Variants in EXOC2 observed in about 807,000 individuals in gnomAD.
EXOC2 encodes SEC5-like 1.
A neutral mutation model predicts 131.8 loss-of-function variants in EXOC2; 70 were observed. The ratio of observed to expected loss-of-function variants is 0.53; its 90% CI spans 0.44 to 0.65. The LOEUF is 0.65. EXOC2 is among the 30% of genes least tolerant of loss of function. The pLI is 0.00. For synonymous variants in EXOC2, 411 were observed against 398.4 expected (o/e 1.03, Z -0.38); for missense variants, 923 against 1,108.6 (o/e 0.83, Z 2.38).
chr6:599,605 C>G (rs915135977), intron 7 of EXOC2, among the ~76,000 whole-genome samples: 1 of 152,144 alleles, frequency 6.6e-6, no homozygotes. Context: ...TACACGTGTA[C>G]ATTAGCTAAA....
intron 17 of EXOC2, among the ~76,000 whole-genome samples, chr6:561,320 G>A (rs1485125277): frequency 6.6e-6 from 1 of 152,144 alleles, no homozygotes; most frequent in East Asian, 1.9e-4. Flanking sequence ...GAACTGGCTG[G>A]ATAGAGAGTC....
At position 682,195 on chromosome 6, in the gene EXOC2, GTTTC is replaced by G. The variant is rs1244910623; in HGVS notation, c.-44+10820_-44+10823del. The stretch of plus-strand genomic sequence containing the variant: ...CGCAGTTCCTATTAAATATTTCCCA[GTTTC>G]TTTTTTTTTTTTTTTTTTGAGACGG... On this transcript the variant is annotated intron_variant, in intron 1 of 27. Coordinates refer to ENST00000230449, the MANE Select transcript of EXOC2 (RefSeq NM_018303.6). Among the ~76,000 whole-genome samples the G allele has an allele frequency of 2.2e-3, 307 of 137,550 alleles. 1 individual carries two copies. Among genetic ancestry groups the G allele is most frequent in the African/African-American group, 8.4e-3 (297 of 35,550 alleles). 90.2% of individuals were successfully genotyped at this position (137,550 alleles called of 152,430 possible). A position where few individuals can be genotyped will look rare whatever the true frequency, so the allele number is the denominator to read the frequency against.
At chr6:692,210 A>G (rs1764961680) in intron 1 of EXOC2, among the ~76,000 whole-genome samples, 1 of 152,278 alleles carries the variant, frequency 6.6e-6, no homozygotes, top group Admixed American at 6.5e-5. Context: ...TCATAAAGGC[A>G]TCAGACTTAA....
intron 23 of EXOC2, among the ~76,000 whole-genome samples, chr6:507,170 CCA>C (rs1295038504): frequency 5.3e-5 from 2 of 37,584 alleles, no homozygotes; most frequent in East Asian, 9.1e-4. Flanking sequence ...ACCCCCCCAC[CCA>C]CACACACAGC....
At chr6:511,640 A>T (rs1303731598) in intron 23 of EXOC2, among the ~76,000 whole-genome samples, 3 of 152,256 alleles carry the variant, frequency 2.0e-5, no homozygotes, top group Non-Finnish European at 4.4e-5. Flanking sequence ...CCCGAGCGGG[A>T]CAAGCCGCTC....
At chr6:518,760 A>G (rs1221064987) in intron 23 of EXOC2, among the ~76,000 whole-genome samples, 1 of 152,240 alleles carries the variant, frequency 6.6e-6, no homozygotes, top group Non-Finnish European at 1.5e-5. Context: ...TTCTTAAAAA[A>G]AGATGACCAA....
At chr6:594,927 C>CTT (rs3839495) in intron 10 of EXOC2, among the ~76,000 whole-genome samples, 106,467 of 151,820 alleles carry the variant, frequency 0.7, 37,796 homozygotes, top group Middle Eastern at 0.85. Flanking sequence ...ATTAAGAACA[C>CTT]TTTAAAAAGG....
chr6:502,253 G>A (rs1416696697), intron 23 of EXOC2, among the ~76,000 whole-genome samples: 1 of 152,166 alleles, frequency 6.6e-6, no homozygotes, highest in South Asian at 2.1e-4. Context: ...AGTGAGAACC[G>A]GGGTCCTGTC....
chr6:603,053 G>A lies in EXOC2; in HGVS notation c.743-3828C>T, dbSNP rs577970919. ...ATATTATGCTTTCTCTTATTTCAAA[G>A]TGACCATTTGGTCCTTTCCTTGGTA... On this transcript the variant is annotated intron_variant, in intron 7 of 27. Coordinates refer to ENST00000230449, the MANE Select transcript of EXOC2 (RefSeq NM_018303.6). Among the ~76,000 whole-genome samples the A allele has an allele frequency of 5.3e-5, 8 of 152,244 alleles. No individual in the cohort carries two copies. The South Asian group carries it at 1.5e-3, about 28-fold the overall frequency.
chr6:626,654 C>T (rs1164007123), intron 4 of EXOC2, among the ~76,000 whole-genome samples: 6 of 152,180 alleles, frequency 3.9e-5, no homozygotes, highest in South Asian at 2.1e-4. Flanking sequence ...TGCAGTGACC[C>T]GACCTCTGCT....
rs749495856 is a variant in EXOC2 at position 598,044 on chromosome 6, T to G, written c.1050A>C (p.Leu350Phe). ...ACCTTATGTAACGTTTTTGGTCATG[T>G]AAAGTTGATGGTGTCTCAAGCAATT... ...LDKLLETPSTLHDQKRYIRYL... is the reference protein window; with the variant it reads ...LDKLLETPSTFHDQKRYIRYL... Residue 350 changes from leucine (L) to phenylalanine (F), a missense_variant, in exon 10 of 28, where the codon TTA becomes TTC. Physicochemically the swap from Leu to Phe is conservative, Grantham distance 22. Coordinates refer to ENST00000230449, the MANE Select transcript of EXOC2 (RefSeq NM_018303.6). The G allele has an allele frequency of 7.7e-5, 124 of 1,613,572 alleles. No individual in the cohort carries two copies. The highest frequency in any genetic ancestry group is 1.0e-4 in the Non-Finnish European group (122 of 1,179,716).
At chr6:618,874 T>C (rs1046862840) in intron 5 of EXOC2, among the ~76,000 whole-genome samples, 14 of 152,256 alleles carry the variant, frequency 9.2e-5, no homozygotes, top group Admixed American at 3.3e-4. Context: ...AATATAATTA[T>C]TTTAAATCAA....
chr6:649,721 G>C (rs1762746756), intron 1 of EXOC2, among the ~76,000 whole-genome samples: 1 of 152,142 alleles, frequency 6.6e-6, no homozygotes, highest in Non-Finnish European at 1.5e-5. Context: ...TTTCTTTTTA[G>C]CAGTAAAATG....
intron 23 of EXOC2, among the ~76,000 whole-genome samples, chr6:510,548 A>T (rs1764783072): frequency 6.6e-6 from 1 of 152,232 alleles, no homozygotes; most frequent in Admixed American, 6.5e-5. Context: ...CTTTATATTC[A>T]TAAGAGTTTA....
At chr6:521,753 C>G (rs2873397) in intron 23 of EXOC2, among the ~76,000 whole-genome samples, 21,264 of 151,984 alleles carry the variant, frequency 0.14, 1,564 homozygotes, top group African/African-American at 0.18. Context: ...GTCTCTAACT[C>G]CTGGGCTCAA....
At chr6:616,429 C>A (rs958139361) in intron 6 of EXOC2, among the ~76,000 whole-genome samples, 9 of 151,570 alleles carry the variant, frequency 5.9e-5, no homozygotes, top group Admixed American at 1.3e-4. Context: ...CGGTGAAACC[C>A]CGTCTCTACT....
intron 11 of EXOC2, among the ~76,000 whole-genome samples, chr6:585,596 A>G (rs780126297): frequency 1.3e-5 from 2 of 152,228 alleles, no homozygotes; most frequent in Non-Finnish European, 2.9e-5. Context: ...ATCTGTCACC[A>G]TCTTTGCTCA....
intron 22 of EXOC2, among the ~76,000 whole-genome samples, chr6:544,725 A>G (rs1456421168): frequency 6.6e-6 from 1 of 152,246 alleles, no homozygotes; most frequent in Non-Finnish European, 1.5e-5. Context: ...CAGTACATGC[A>G]GTTAAAGCAA....
At chr6:555,826 T>A in intron 19 of EXOC2, 128 bp downstream of exon 19, 3 of 937,082 alleles carry the variant, frequency 3.2e-6, no homozygotes, top group Non-Finnish European at 3.2e-6. Context: ...TAAACTATTA[T>A]GTACACAGAC....
Sources: allele counts gnomAD v4.1 joint callset (sites outside exome capture counted in the v4.1 genomes callset), GRCh38; gene constraint gnomAD v4.1.1; transcripts MANE v1.5; gene names NCBI Gene and HGNC (gene_info 2026-07-23, HGNC 2026-07-21).